ZNF577: variants seen among roughly 807,000 people sequenced by gnomAD.
ZNF577 encodes zinc finger protein 577.
In ZNF577, 14 loss-of-function variants were observed where a neutral mutation model predicts 13.9. That is an observed-to-expected ratio of 1.00 (90% CI 0.66 to 1.57). The LOEUF (loss-of-function observed/expected upper bound fraction) is 1.57, where lower values mean the gene tolerates loss of function less well. ZNF577 is among the 40% of genes most tolerant of loss of function. The pLI is 0.00. For missense variants in ZNF577, 555 were observed against 579.2 expected (o/e 0.96, Z 0.43); for synonymous variants, 203 against 202.9 (o/e 1.00, Z 0.00).
chr19:51,821,432 AG>A (rs1415361749), intron 9 of ZNF577, among the ~76,000 whole-genome samples: 1 of 152,134 alleles, frequency 6.6e-6, no homozygotes, highest in Non-Finnish European at 1.5e-5. Flanking sequence ...GATAGAGGCC[AG>A]GGGTGTTGCT....
rs61747861 is a variant in ZNF577, at chr19:51,878,501, G to C, written c.75C>G (p.Phe25Leu). Reference protein sequence around the residue: ...GSSSGEGSLSFEDVAVGFTRE... With the variant: ...GSSSGEGSLSLEDVAVGFTRE... ...TGGTGAAGCCCACAGCCACATCTTC[G>C]AATGACAATGACCCCTATAATAACA... is the stretch of plus-strand genomic sequence containing the variant. The change falls in exon 4 of 6, where the codon TTC becomes TTG. Residue 25 changes from phenylalanine (F) to leucine (L), a missense_variant. Phe to Leu is a conservative substitution (Grantham distance 22). Transcript: ENST00000638348. 7 of 1,614,006 alleles carry C rather than the reference G, an allele frequency of 4.3e-6. No individual in the cohort carries two copies. Among genetic ancestry groups the C allele is most frequent in the Non-Finnish European group, 5.9e-6 (7 of 1,179,942 alleles).
At chr19:51,883,512 G>GAT (rs2084896355) in intron 1 of ZNF577, among the ~76,000 whole-genome samples, 1 of 151,916 alleles carries the variant, frequency 6.6e-6, no homozygotes, top group African/African-American at 2.4e-5. Context: ...TTAGAGGTTT[G>GAT]ATTAGTCCCA....
chr19:51,875,363 CAAAA>C (rs538987406), intron 5 of ZNF577, among the ~76,000 whole-genome samples: 10,647 of 63,642 alleles, frequency 0.17, 715 homozygotes, highest in South Asian at 0.38. Context: ...AACTCTGTCA[CAAAA>C]AAAAAAAAAA....
chr19:51,833,422 C>T (rs138917297), intron 9 of ZNF577, among the ~76,000 whole-genome samples: 4 of 135,926 alleles, frequency 2.9e-5, no homozygotes, highest in South Asian at 2.8e-4. Context: ...ATGCCATCAC[C>T]GCTGGAAGTA....
rs1174114825 is a variant in ZNF577 at position 51,869,688 on chromosome 19, T to C, written c.*2844A>G. On this transcript the variant is annotated 3_prime_UTR_variant, in exon 6 of 6. Coordinates refer to ENST00000638348, the MANE Select transcript of ZNF577 (RefSeq NM_001370449.1). ...GAAACACCCACAGGTGTGGACGGGC[T>C]GGACCCCTTCAATGTGGAGAAAAAT... 6.6e-6 allele frequency among the ~76,000 whole-genome samples: 1 copy of C among 152,170 alleles called. No individual in the cohort carries two copies. Among genetic ancestry groups the C allele is most frequent in the Non-Finnish European group, 1.5e-5 (1 of 68,014 alleles).
chr19:51,837,234 CTATGTTG>C (rs1387126101), intron 9 of ZNF577, among the ~76,000 whole-genome samples: 1 of 57,712 alleles, frequency 1.7e-5, no homozygotes, highest in East Asian at 6.5e-4. Context: ...TCCCTATCAC[CTATGTTG>C]CTATCACCTA....
intron 5 of ZNF577, among the ~76,000 whole-genome samples, chr19:51,845,284 C>T (rs2084344849): frequency 1.3e-5 from 2 of 151,964 alleles, no homozygotes; most frequent in Non-Finnish European, 2.9e-5. Context: ...CACCTGAGGT[C>T]GGAGTTTGAG....
intron 5 of ZNF577, among the ~76,000 whole-genome samples, chr19:51,858,408 A>T (rs1403138740): frequency 6.6e-6 from 1 of 152,206 alleles, no homozygotes. Context: ...CAGGGTGAAT[A>T]GGAGGTTGTC....
At position 51,871,055 on chromosome 19, in the gene ZNF577, G is replaced by A. The variant is rs2084651534; in HGVS notation, c.*1477C>T. 6.6e-6 allele frequency among the ~76,000 whole-genome samples: 1 copy of A among 152,074 alleles called. No individual in the cohort carries two copies. The highest frequency in any genetic ancestry group is 6.5e-5 in the Admixed American group (1 of 15,272). ...TATGAAAAAGTTAGTCAATATCCAG[G>A]TGCATTATGTCATATGCATTCCGTA... On this transcript the variant is annotated 3_prime_UTR_variant, in exon 6 of 6. Coordinates refer to ENST00000638348, the MANE Select transcript of ZNF577 (RefSeq NM_001370449.1).
chr19:51,811,725 A>G (rs1172078346), intron 9 of ZNF577: 1 of 152,370 alleles, frequency 6.6e-6, no homozygotes, highest in Non-Finnish European at 1.5e-5. Context: ...ACAAAAGAGT[A>G]TCTCTGGAAG....
intron 9 of ZNF577, among the ~76,000 whole-genome samples, chr19:51,829,583 C>G (rs2122513778): frequency 6.6e-6 from 1 of 152,242 alleles, no homozygotes; most frequent in African/African-American, 2.4e-5. Flanking sequence ...CAACTTTTCC[C>G]ACCATCCTGA....
chr19:51,830,329 G>A (rs1015108086), intron 9 of ZNF577, among the ~76,000 whole-genome samples: 5 of 152,032 alleles, frequency 3.3e-5, no homozygotes, highest in East Asian at 3.9e-4. Flanking sequence ...TACCACACGC[G>A]TCCTCCTGAA....
intron 5 of ZNF577, among the ~76,000 whole-genome samples, chr19:51,846,600 T>C (rs2084353459): frequency 6.6e-6 from 1 of 151,714 alleles, no homozygotes; most frequent in Non-Finnish European, 1.5e-5. Context: ...CACTGCTACT[T>C]GGGAGGCTAA....
At chr19:51,848,386 A>C (rs1313587291) in intron 5 of ZNF577, among the ~76,000 whole-genome samples, 1 of 152,234 alleles carries the variant, frequency 6.6e-6, no homozygotes, top group Admixed American at 6.5e-5. Flanking sequence ...AGACGCTGGG[A>C]ATATACCCAA....
At chr19:51,883,793 CT>C (rs2084901333) in intron 1 of ZNF577, among the ~76,000 whole-genome samples, 1 of 152,158 alleles carries the variant, frequency 6.6e-6, no homozygotes. Context: ...AAGAAATAGG[CT>C]GGGCACAGTG....
chr19:51,859,948 C>T (rs1026047906), intron 5 of ZNF577, among the ~76,000 whole-genome samples: 12 of 151,926 alleles, frequency 7.9e-5, no homozygotes, highest in Admixed American at 7.9e-4. Flanking sequence ...TGTCACTATT[C>T]GACTAATCCT....
intron 5 of ZNF577, among the ~76,000 whole-genome samples, chr19:51,875,224 G>A (rs10423383): frequency 0.11 from 17,325 of 151,806 alleles, 1,943 homozygotes; most frequent in African/African-American, 0.27. Flanking sequence ...TTAGCTAGGC[G>A]TGGTGGCAGG....
intron 1 of ZNF577, chr19:51,886,287 A>G (rs1057141371): frequency 6.6e-6 from 1 of 152,310 alleles, no homozygotes. Context: ...ATTTCAAGCA[A>G]AAGAACAGTA....
chr19:51,854,347 A>G (rs2084396887), intron 5 of ZNF577, among the ~76,000 whole-genome samples: 1 of 149,218 alleles, frequency 6.7e-6, no homozygotes, highest in Non-Finnish European at 1.5e-5. Context: ...TTTTTTTTTG[A>G]GACAGGATCT....
Sources: gnomAD v4.1 joint callset for allele counts (sites outside exome capture counted in the v4.1 genomes callset) on GRCh38, gnomAD v4.1.1 for gene constraint, MANE v1.5 for transcripts, NCBI Gene and HGNC (gene_info 2026-07-23, HGNC 2026-07-21) for gene names.